The following KCNH1 variants were observed in gnomAD, a reference collection of about 807,000 sequenced individuals.
KCNH1 encodes voltage-gated delayed rectifier potassium channel KCNH1.
A neutral mutation model predicts 69.2 loss-of-function variants in KCNH1; 27 were observed. The observed-to-expected ratio is 0.39, with a 90% confidence interval of 0.29 to 0.54. The LOEUF is 0.54. Among genes scored for constraint, KCNH1 ranks in the 20% least tolerant of loss-of-function variants. KCNH1 has a pLI of 0.68. For missense variants in KCNH1, 798 were observed against 1,261.6 expected (o/e 0.63, Z 5.57); for synonymous variants, 456 against 487.7 (o/e 0.93, Z 0.86).
At chr1:210,840,536 T>C (rs1685385819) in intron 7 of KCNH1, among the ~76,000 whole-genome samples, 1 of 152,106 alleles carries the variant, frequency 6.6e-6, no homozygotes, top group Admixed American at 6.6e-5. Flanking sequence ...GTGTCAAGCC[T>C]CTCCTCTGGA....
At chr1:211,052,209 C>G (rs1209779929) in intron 5 of KCNH1, among the ~76,000 whole-genome samples, 1 of 152,226 alleles carries the variant, frequency 6.6e-6, no homozygotes, top group African/African-American at 2.4e-5. Flanking sequence ...AAAGAGAGAG[C>G]TGATCAGACG....
At chr1:210,882,708 G>A (rs1686522902) in intron 7 of KCNH1, among the ~76,000 whole-genome samples, 1 of 152,154 alleles carries the variant, frequency 6.6e-6, no homozygotes, top group Non-Finnish European at 1.5e-5. Context: ...TAAGGAGGAT[G>A]AGGAGTAGGA....
chr1:211,066,106 A>G (rs1690524179), intron 5 of KCNH1, among the ~76,000 whole-genome samples: 1 of 152,140 alleles, frequency 6.6e-6, no homozygotes, highest in African/African-American at 2.4e-5. Context: ...AATGCTTATA[A>G]CGAAACACAT....
At chr1:211,081,319 C>CAG (rs1441908958) in intron 5 of KCNH1, among the ~76,000 whole-genome samples, 1 of 152,196 alleles carries the variant, frequency 6.6e-6, no homozygotes, top group African/African-American at 2.4e-5. Flanking sequence ...CAGGAAACAA[C>CAG]AGGTGCTAGA....
At chr1:210,988,930 G>T (rs1199020688) in intron 6 of KCNH1, among the ~76,000 whole-genome samples, 1 of 152,214 alleles carries the variant, frequency 6.6e-6, no homozygotes, top group Non-Finnish European at 1.5e-5. Context: ...AACTAGCTTT[G>T]TGTGTCTCTA....
chr1:210,706,751 A>T (rs1424864538), intron 10 of KCNH1, among the ~76,000 whole-genome samples: 1 of 152,264 alleles, frequency 6.6e-6, no homozygotes, highest in Non-Finnish European at 1.5e-5. Flanking sequence ...TCGTGCTAAG[A>T]ATAGTGGCTA....
chr1:210,904,583 T>C (rs1354001565), intron 7 of KCNH1, among the ~76,000 whole-genome samples: 1 of 152,186 alleles, frequency 6.6e-6, no homozygotes, highest in East Asian at 1.9e-4. Context: ...GCCACCTTCT[T>C]GCACTTCATG....
chr1:211,128,286 A>C (rs1206546939), intron 1 of KCNH1, among the ~76,000 whole-genome samples: 1 of 151,066 alleles, frequency 6.6e-6, no homozygotes. Flanking sequence ...CTGTCTCAAA[A>C]AAAAAAAAAA....
intron 10 of KCNH1, among the ~76,000 whole-genome samples, chr1:210,728,590 G>T (rs1682666985): frequency 6.6e-6 from 1 of 152,230 alleles, no homozygotes; most frequent in African/African-American, 2.4e-5. Flanking sequence ...ATGGGGGACT[G>T]CTGGTTTGAG....
chr1:211,082,738 C>T (rs1485437920), intron 5 of KCNH1, 42 bp downstream of exon 5: 1 of 1,518,068 alleles, frequency 6.6e-7, no homozygotes. Context: ...CCATGCACCC[C>T]CTAAAAGTGA....
chr1:211,040,305 C>T (rs970156136), intron 5 of KCNH1, among the ~76,000 whole-genome samples: 10 of 152,006 alleles, frequency 6.6e-5, no homozygotes, highest in Non-Finnish European at 1.3e-4. Flanking sequence ...TTGGCTGTGT[C>T]TCATCCAAAT....
intron 10 of KCNH1, among the ~76,000 whole-genome samples, chr1:210,764,207 C>A (rs550080210): frequency 1.3e-4 from 20 of 152,166 alleles, no homozygotes; most frequent in African/African-American, 4.8e-4. Flanking sequence ...TCACCATATA[C>A]AGAAATTAAC....
intron 7 of KCNH1, among the ~76,000 whole-genome samples, chr1:210,863,228 G>T (rs1189008169): frequency 6.6e-6 from 1 of 152,174 alleles, no homozygotes; most frequent in East Asian, 1.9e-4. Context: ...GCACATGCTT[G>T]TTACCCAGCA....
intron 7 of KCNH1, among the ~76,000 whole-genome samples, chr1:210,884,790 C>A (rs919317464): frequency 6.6e-6 from 1 of 152,172 alleles, no homozygotes; most frequent in African/African-American, 2.4e-5. Flanking sequence ...GACATTCATG[C>A]CAGTTTGTAC....
chr1:210,907,245 G>C (rs188410264), intron 7 of KCNH1, among the ~76,000 whole-genome samples: 1 of 152,294 alleles, frequency 6.6e-6, no homozygotes, highest in Admixed American at 6.5e-5. Flanking sequence ...TCTCCAAGTA[G>C]TCAGGGTACA....
intron 10 of KCNH1, among the ~76,000 whole-genome samples, chr1:210,731,955 G>A (rs1185579519): frequency 2.0e-5 from 3 of 152,166 alleles, no homozygotes; most frequent in East Asian, 1.9e-4. Context: ...ATGTTAGGTC[G>A]GAGCAAATGA....
intron 1 of KCNH1, among the ~76,000 whole-genome samples, chr1:211,121,681 G>A (rs1481799635): frequency 6.6e-6 from 1 of 152,168 alleles, no homozygotes; most frequent in Non-Finnish European, 1.5e-5. Context: ...ATTGACAAAT[G>A]GGATCTGATT....
In KCNH1 at chr1:210,901,891, G is replaced by A. The variant is rs1229799696; in HGVS notation, c.1462+17749C>T. On this transcript the variant is annotated intron_variant, in intron 7 of 10. Transcript: ENST00000271751. Reference sequence around the variant, plus strand: ...TGGGGTAGGGACAGTATCTCCTATAGCTTGGAATCCTTGACCTCTGAAAAC... The same window carrying A: ...TGGGGTAGGGACAGTATCTCCTATAACTTGGAATCCTTGACCTCTGAAAAC... 3.9e-5 allele frequency among the ~76,000 whole-genome samples: 6 copies of A among 152,288 alleles called. No homozygotes were observed. In the East Asian group the frequency reaches 1.2e-3, roughly 29 times the overall value.
At chr1:210,702,243 C>T (rs1343297600) in intron 10 of KCNH1, among the ~76,000 whole-genome samples, 2 of 152,124 alleles carry the variant, frequency 1.3e-5, no homozygotes, top group African/African-American at 4.8e-5. Flanking sequence ...CCCTTGGTGG[C>T]CCTGCAATCT....
Sources: gnomAD v4.1 joint callset for allele counts (sites outside exome capture counted in the v4.1 genomes callset) on GRCh38, gnomAD v4.1.1 for gene constraint, MANE v1.5 for transcripts, NCBI Gene and HGNC (gene_info 2026-07-23, HGNC 2026-07-21) for gene names.